The following PTPRD variants were observed in gnomAD, a reference collection of about 807,000 sequenced individuals.
PTPRD encodes receptor-type tyrosine-protein phosphatase delta.
In PTPRD, 34 loss-of-function variants were observed where a neutral mutation model predicts 214.5. The ratio of observed to expected loss-of-function variants is 0.16; its 90% CI spans 0.12 to 0.21. The LOEUF (loss-of-function observed/expected upper bound fraction) is 0.21, where lower values mean the gene tolerates loss of function less well. Among genes scored for constraint, PTPRD ranks in the 10% least tolerant of loss-of-function variants. The probability of loss-of-function intolerance (pLI) is 1.00; values close to 1 mark genes in which losing one functional copy is unlikely to be tolerated. For synonymous variants in PTPRD, 1,128 were observed against 845.7 expected, an observed-to-expected ratio of 1.33 and a Z score of -5.79; for missense variants, 2,545 against 2,398.7, an observed-to-expected ratio of 1.06 and a Z score of -1.27.
intron 3 of PTPRD, among the ~76,000 whole-genome samples, chr9:10,109,691 G>A (rs2098672476): frequency 1.3e-5 from 2 of 152,140 alleles, no homozygotes; most frequent in African/African-American, 4.8e-5. Context: ...CCTGACAACG[G>A]GTTGAGTGAT....
chr9:9,218,287 G>T (rs953273141), intron 9 of PTPRD, among the ~76,000 whole-genome samples: 1 of 152,062 alleles, frequency 6.6e-6, no homozygotes, highest in Non-Finnish European at 1.5e-5. Context: ...CATAGATCCG[G>T]ATTAGATAGG....
intron 9 of PTPRD, among the ~76,000 whole-genome samples, chr9:9,254,521 ATG>A (rs1349558088): frequency 6.6e-6 from 1 of 152,068 alleles, no homozygotes; most frequent in Non-Finnish European, 1.5e-5. Flanking sequence ...AACATGAAGG[ATG>A]GTTATAACAA....
Position 10,017,754 on chromosome 9 carries a change from C to A in PTPRD, c.-472+15964G>T, listed in dbSNP as rs7852188. 3.1e-3 allele frequency among the ~76,000 whole-genome samples: 466 copies of A among 152,162 alleles called. 1 individual carries two copies. Among genetic ancestry groups the A allele is most frequent in the African/African-American group, 0.011 (441 of 41,542 alleles). On this transcript the variant is annotated intron_variant, in intron 4 of 45. Coordinates refer to ENST00000381196, the MANE Select transcript of PTPRD (RefSeq NM_002839.4). ...TATTTCTGTATTACTAAACCAATGA[C>A]ACATTTTCTTATTATATTTATTTAA...
intron 4 of PTPRD, among the ~76,000 whole-genome samples, chr9:9,954,121 C>A (rs1046371601): frequency 6.6e-6 from 1 of 151,380 alleles, no homozygotes; most frequent in Non-Finnish European, 1.5e-5. Context: ...CATGATGAAA[C>A]CCTGTCTCTA....
intron 11 of PTPRD, among the ~76,000 whole-genome samples, chr9:8,937,376 T>A (rs954101028): frequency 2.0e-5 from 3 of 152,188 alleles, no homozygotes; most frequent in African/African-American, 7.2e-5. Context: ...GAATCACAGT[T>A]GAGTATGGTG....
At chr9:8,536,012 T>G (rs1490197341) in intron 14 of PTPRD, among the ~76,000 whole-genome samples, 1 of 151,924 alleles carries the variant, frequency 6.6e-6, no homozygotes, top group African/African-American at 2.4e-5. Flanking sequence ...ATACAAATAT[T>G]TGAACCTTAT....
intron 3 of PTPRD, among the ~76,000 whole-genome samples, chr9:10,279,614 C>T (rs149339073): frequency 6.2e-4 from 94 of 151,628 alleles, no homozygotes; most frequent in African/African-American, 2.0e-3. Flanking sequence ...CACGTGTCTA[C>T]TCAACCTTCA....
At chr9:10,059,214 G>A (rs1304653980) in intron 3 of PTPRD, among the ~76,000 whole-genome samples, 1 of 152,056 alleles carries the variant, frequency 6.6e-6, no homozygotes, top group Non-Finnish European at 1.5e-5. Context: ...AACTGGAAAA[G>A]GGGATTAGTT....
At chr9:10,429,903 T>A (rs2098661289) in intron 2 of PTPRD, among the ~76,000 whole-genome samples, 1 of 152,112 alleles carries the variant, frequency 6.6e-6, no homozygotes, top group Admixed American at 6.6e-5. Context: ...GGAGGTTATA[T>A]AATTTGCCTA....
At chr9:8,795,289 C>G (rs1175019936) in intron 11 of PTPRD, among the ~76,000 whole-genome samples, 2 of 152,030 alleles carry the variant, frequency 1.3e-5, no homozygotes, top group African/African-American at 4.8e-5. Context: ...CTCAGCCTCC[C>G]AAGTAGCTGG....
intron 37 of PTPRD, 114 bp downstream of exon 37, chr9:8,389,118 C>G (rs942773141): frequency 1.2e-6 from 1 of 815,546 alleles, no homozygotes; most frequent in Non-Finnish European, 1.8e-6. Context: ...TAATTAGTAT[C>G]TGTTAGAAAG....
chr9:9,108,524 T>C (rs539155499), intron 10 of PTPRD, among the ~76,000 whole-genome samples: 1 of 152,310 alleles, frequency 6.6e-6, no homozygotes, highest in African/African-American at 2.4e-5. Context: ...AGGTTGACTC[T>C]CCTCTATGTA....
chr9:9,749,867 C>T (rs1419319401), intron 6 of PTPRD, among the ~76,000 whole-genome samples: 1 of 152,088 alleles, frequency 6.6e-6, no homozygotes, highest in Non-Finnish European at 1.5e-5. Context: ...AAATAAGTTT[C>T]ATAAGTTGAA....
At chr9:9,491,255 A>G (rs1209559100) in intron 8 of PTPRD, among the ~76,000 whole-genome samples, 3 of 151,996 alleles carry the variant, frequency 2.0e-5, no homozygotes, top group Admixed American at 1.3e-4. Context: ...ATATATAGCA[A>G]TGAAACACTT....
intron 6 of PTPRD, among the ~76,000 whole-genome samples, chr9:9,764,535 A>G (rs1381235690): frequency 6.6e-6 from 1 of 152,218 alleles, no homozygotes; most frequent in Non-Finnish European, 1.5e-5. Context: ...TTCCTCTTCT[A>G]TTAATAGGAT....
chr9:9,367,660 G>A (rs1403015407), intron 9 of PTPRD, among the ~76,000 whole-genome samples: 2 of 151,508 alleles, frequency 1.3e-5, no homozygotes, highest in Non-Finnish European at 3.0e-5. Flanking sequence ...CTATACAAAT[G>A]GGAGCTGTTT....
chr9:8,674,137 G>A (rs1348822552), intron 12 of PTPRD, among the ~76,000 whole-genome samples: 2 of 151,982 alleles, frequency 1.3e-5, no homozygotes, highest in East Asian at 1.9e-4. Flanking sequence ...ACACATATAC[G>A]CATCCAAAAT....
intron 2 of PTPRD, among the ~76,000 whole-genome samples, chr9:10,594,000 A>C (rs1176161173): frequency 1.3e-5 from 2 of 151,962 alleles, no homozygotes; most frequent in East Asian, 3.9e-4. Flanking sequence ...TAAGTTATTA[A>C]AACGGGAAGT....
intron 4 of PTPRD, among the ~76,000 whole-genome samples, chr9:10,008,313 C>T (rs750430500): frequency 6.6e-6 from 1 of 151,904 alleles, no homozygotes; most frequent in Non-Finnish European, 1.5e-5. Context: ...GAATTCCCCT[C>T]CCTTTTTGTG....
Sources: allele counts gnomAD v4.1 joint callset (sites outside exome capture counted in the v4.1 genomes callset), GRCh38; gene constraint gnomAD v4.1.1; transcripts MANE v1.5; gene names NCBI Gene and HGNC (gene_info 2026-07-23, HGNC 2026-07-21).